The following PLEKHH2 variants were observed in gnomAD, a reference collection of about 807,000 sequenced individuals.
The protein encoded by PLEKHH2 is pleckstrin homology, MyTH4 and FERM domain containing H2.
In PLEKHH2, 129 loss-of-function variants were observed where a neutral mutation model predicts 187.9. That is an observed-to-expected ratio of 0.69 (90% CI 0.59 to 0.79). The LOEUF is 0.79. Ranked by LOEUF, PLEKHH2 falls within the 30% of genes least tolerant of loss-of-function variation. The pLI is 0.00. For missense variants in PLEKHH2, 2,076 were observed against 1,751.2 expected (o/e 1.19, Z -3.31); for synonymous variants, 686 against 605.6 (o/e 1.13, Z -1.95).
chr2:43,659,680 T>C (rs1271014732), intron 2 of PLEKHH2, among the ~76,000 whole-genome samples: 1 of 151,900 alleles, frequency 6.6e-6, no homozygotes, highest in African/African-American at 2.4e-5. Context: ...TGCTTTAGCC[T>C]CCCAAGTAGC....
At chr2:43,707,107 A>G (rs1669697316) in intron 10 of PLEKHH2, among the ~76,000 whole-genome samples, 1 of 149,326 alleles carries the variant, frequency 6.7e-6, no homozygotes, top group African/African-American at 2.5e-5. Context: ...GAGTCAGGAG[A>G]ATCGCTTGAA....
intron 24 of PLEKHH2, among the ~76,000 whole-genome samples, chr2:43,746,986 A>C (rs1671805840): frequency 6.6e-6 from 1 of 150,808 alleles, no homozygotes; most frequent in African/African-American, 2.4e-5. Flanking sequence ...AAAAAAGAGG[A>C]GATACCTATG....
intron 2 of PLEKHH2, among the ~76,000 whole-genome samples, chr2:43,670,539 A>G (rs1368861913): frequency 2.0e-5 from 3 of 152,136 alleles, no homozygotes; most frequent in Non-Finnish European, 4.4e-5. Context: ...TTCATCTAAT[A>G]TGTCTGTTTT....
At chr2:43,764,100 A>T in intron 28 of PLEKHH2, 128 bp from the exon 29 acceptor site, 1 of 538,984 alleles carries the variant, frequency 1.9e-6, no homozygotes, top group Non-Finnish European at 2.9e-6. Context: ...TTTATTTTAG[A>T]AAATAATTTT....
chr2:43,688,384 T>C (rs1309039170), intron 3 of PLEKHH2, among the ~76,000 whole-genome samples: 1 of 152,244 alleles, frequency 6.6e-6, no homozygotes, highest in Admixed American at 6.5e-5. Context: ...TCATTCTATT[T>C]GGAAACAATC....
intron 1 of PLEKHH2, among the ~76,000 whole-genome samples, chr2:43,643,426 A>G (rs951539045): frequency 7.2e-5 from 11 of 152,094 alleles, no homozygotes; most frequent in African/African-American, 2.7e-4. Flanking sequence ...CGTACTGAAT[A>G]TTGTCAGTAT....
chr2:43,667,969 A>T (rs139133947), intron 2 of PLEKHH2, among the ~76,000 whole-genome samples: 1 of 152,324 alleles, frequency 6.6e-6, no homozygotes, highest in African/African-American at 2.4e-5. Context: ...TTTTTTAAAA[A>T]GTTTGGAAAA....
At chr2:43,735,014 A>T (rs2104580406) in intron 19 of PLEKHH2, among the ~76,000 whole-genome samples, 1 of 152,186 alleles carries the variant, frequency 6.6e-6, no homozygotes, top group East Asian at 1.9e-4. Context: ...TACAAAATTT[A>T]TTTTGTCTCT....
rs1467747539 is a variant in PLEKHH2 at position 43,712,018 on chromosome 2, T to A, written c.2302-207T>A. The A allele has an allele frequency of 7.8e-6, 10 of 1,282,792 alleles. No homozygotes were observed. The East Asian group carries it at 2.9e-4, about 38-fold the overall frequency. The allele number at this position is 1,282,792 out of a possible 1,614,324, so 79.5% of individuals were successfully genotyped here. ...TAGGTAAACTGGAGTAACAAAGTTA[T>A]TTCCACAAAAATTTAATTGCTGTAA... is the stretch of plus-strand genomic sequence containing the variant. On this transcript the variant is annotated intron_variant, in intron 14 of 29. Transcript: ENST00000282406.
At chr2:43,644,092 G>A (rs545685024) in intron 1 of PLEKHH2, among the ~76,000 whole-genome samples, 20 of 152,182 alleles carry the variant, frequency 1.3e-4, no homozygotes, top group Non-Finnish European at 2.4e-4. Flanking sequence ...AGGACCTCTG[G>A]CTTGAAAGAC....
intron 21 of PLEKHH2, among the ~76,000 whole-genome samples, chr2:43,742,042 C>G (rs1382863899): frequency 6.6e-6 from 1 of 151,868 alleles, no homozygotes; most frequent in Non-Finnish European, 1.5e-5. Context: ...ACTCTGTCAC[C>G]TAGGTTGGAG....
intron 2 of PLEKHH2, among the ~76,000 whole-genome samples, chr2:43,648,492 T>C (rs1666294169): frequency 2.6e-5 from 4 of 151,580 alleles, no homozygotes; most frequent in Admixed American, 2.6e-4. Context: ...CAGCTTTTTT[T>C]CCTGTGTCTT....
At chr2:43,677,634 A>G (rs1667888435) in intron 2 of PLEKHH2, among the ~76,000 whole-genome samples, 2 of 151,780 alleles carry the variant, frequency 1.3e-5, no homozygotes, top group South Asian at 2.1e-4. Flanking sequence ...CGATTTCTCA[A>G]TCTTTTCCCC....
chr2:43,710,024 T>C lies in PLEKHH2; in HGVS notation c.2001T>C (p.Asp667=), dbSNP rs1312102967. 1.2e-6 allele frequency: 2 copies of C among 1,612,928 alleles called. No individual in the cohort carries two copies. Among genetic ancestry groups the C allele is most frequent in the Non-Finnish European group, 1.7e-6 (2 of 1,179,248 alleles). Residue 667 remains aspartate (D), a synonymous_variant, in exon 12 of 30, where the codon GAT becomes GAC. Transcript: ENST00000282406. ...TCTCCTCTGTGGCTTCTGAAAGTGA[T>C]TATGCTATTCCTCCTGATGCTTACT... The part of the protein sequence containing the change: ...VSLSSVASES[D]YAIPPDAYST...
intron 16 of PLEKHH2, among the ~76,000 whole-genome samples, chr2:43,721,617 C>G (rs1054199503): frequency 6.6e-6 from 1 of 152,136 alleles, no homozygotes; most frequent in African/African-American, 2.4e-5. Context: ...GGCATGATGG[C>G]TCATGCCTAT....
chr2:43,704,828 A>G (rs539532834), intron 9 of PLEKHH2, among the ~76,000 whole-genome samples: 2 of 152,262 alleles, frequency 1.3e-5, no homozygotes, highest in African/African-American at 4.8e-5. Context: ...TAAACTTTCA[A>G]AAAATGATTT....
intron 6 of PLEKHH2, among the ~76,000 whole-genome samples, chr2:43,695,948 T>G (rs1669070657): frequency 6.6e-6 from 1 of 152,176 alleles, no homozygotes; most frequent in Non-Finnish European, 1.5e-5. Context: ...CACTTCCATG[T>G]GTTCTTAGAT....
intron 2 of PLEKHH2, among the ~76,000 whole-genome samples, chr2:43,648,569 G>A (rs1389819183): frequency 4.8e-5 from 5 of 104,078 alleles, no homozygotes; most frequent in African/African-American, 1.0e-4. Flanking sequence ...TCGTGTGTGT[G>A]TGTGTGTGTG....
chr2:43,672,226 CCATTA>C (rs1358274118), intron 2 of PLEKHH2, among the ~76,000 whole-genome samples: 1 of 152,010 alleles, frequency 6.6e-6, no homozygotes, highest in Non-Finnish European at 1.5e-5. Flanking sequence ...GTGATGTCTC[CCATTA>C]CATTACTGAT....
Sources: gnomAD v4.1 joint callset for allele counts (sites outside exome capture counted in the v4.1 genomes callset) on GRCh38, gnomAD v4.1.1 for gene constraint, MANE v1.5 for transcripts, NCBI Gene and HGNC (gene_info 2026-07-23, HGNC 2026-07-21) for gene names.